RBMS3: variants seen among roughly 807,000 people sequenced by gnomAD.
RBMS3 encodes RNA-binding motif, single-stranded-interacting protein 3.
A neutral mutation model predicts 66.8 loss-of-function variants in RBMS3; 27 were observed. That is an observed-to-expected ratio of 0.40 (90% CI 0.30 to 0.56). The LOEUF is 0.56. Ranked by LOEUF, RBMS3 falls within the 20% of genes least tolerant of loss-of-function variation. The probability of loss-of-function intolerance (pLI) is 0.40; values close to 1 mark genes in which losing one functional copy is unlikely to be tolerated. For missense variants in RBMS3, 513 were observed against 549.5 expected (o/e 0.93, Z 0.66); for synonymous variants, 188 against 183.0 (o/e 1.03, Z -0.22).
chr3:29,775,455 G>C (rs1427400586), intron 6 of RBMS3, among the ~76,000 whole-genome samples: 2 of 151,868 alleles, frequency 1.3e-5, no homozygotes, highest in African/African-American at 4.8e-5. Flanking sequence ...CAGCGTGTGT[G>C]GCATGCTGCA....
At chr3:29,400,590 A>G (rs2039762922) in intron 1 of RBMS3, among the ~76,000 whole-genome samples, 1 of 151,934 alleles carries the variant, frequency 6.6e-6, no homozygotes, top group South Asian at 2.1e-4. Context: ...TTATTCTACC[A>G]CAATAAAAAA....
intron 3 of RBMS3, among the ~76,000 whole-genome samples, chr3:29,535,710 CTTTTTTTTTTTT>C (rs149022808): frequency 2.2e-3 from 86 of 39,748 alleles, no homozygotes; most frequent in African/African-American, 7.4e-3. Flanking sequence ...GATCATTGCT[CTTTTTTTTTTTT>C]TTTTTTTTTT....
rs749418675 is a variant in RBMS3, at chr3:29,434,854, C to A, written c.187C>A (p.Leu63Met). ...CGGGGAACAGTTGAGTAAAACCAAC[C>A]TGTACATTCGAGGCCTCCCACCAGG... Reference protein sequence around the residue: ...SSGEQLSKTNLYIRGLPPGTT... With the variant: ...SSGEQLSKTNMYIRGLPPGTT... The change falls in exon 2 of 15, where the codon CTG becomes ATG. Residue 63 changes from leucine (L) to methionine (M), a missense_variant. Leu to Met is a conservative substitution (Grantham distance 15). Coordinates refer to ENST00000383767, the MANE Select transcript of RBMS3 (RefSeq NM_001003793.3). The A allele has an allele frequency of 6.2e-7, 1 of 1,614,154 alleles. No homozygotes were observed.
chr3:29,420,359 T>C (rs946272120), intron 1 of RBMS3, among the ~76,000 whole-genome samples: 2 of 152,212 alleles, frequency 1.3e-5, no homozygotes, highest in African/African-American at 4.8e-5. Context: ...TTCATTCTTG[T>C]AATTCCATTC....
chr3:29,922,210 G>A (rs1263206192), intron 10 of RBMS3, among the ~76,000 whole-genome samples: 1 of 152,252 alleles, frequency 6.6e-6, no homozygotes, highest in African/African-American at 2.4e-5. Context: ...AACAGAGGCC[G>A]GGCACGGTGG....
chr3:29,343,973 G>C (rs1559503182), intron 1 of RBMS3, among the ~76,000 whole-genome samples: 1 of 152,186 alleles, frequency 6.6e-6, no homozygotes, highest in Non-Finnish European at 1.5e-5. Context: ...ATACAGAAAT[G>C]GGGAGTGAGT....
intron 4 of RBMS3, among the ~76,000 whole-genome samples, chr3:29,654,464 C>T (rs1292344724): frequency 6.7e-6 from 1 of 149,684 alleles, no homozygotes; most frequent in Non-Finnish European, 1.5e-5. Context: ...AAATATGGAA[C>T]TGGTGTGACT....
At chr3:29,701,543 A>G (rs1479711534) in intron 4 of RBMS3, among the ~76,000 whole-genome samples, 3 of 151,876 alleles carry the variant, frequency 2.0e-5, no homozygotes, top group Non-Finnish European at 2.9e-5. Flanking sequence ...CAGAGGTCGG[A>G]GCCAGCTCCC....
chr3:29,852,493 G>A lies in RBMS3; in HGVS notation c.638-16365G>A, dbSNP rs116797825. Among the ~76,000 whole-genome samples, 1,304 of 152,190 alleles carry A rather than the reference G, an allele frequency of 8.6e-3. 15 individuals carry two copies. Among genetic ancestry groups the A allele is most frequent in the African/African-American group, 0.03 (1,252 of 41,520 alleles). ...CTAAAACAACCCCATTAACAAGTGG[G>A]CAAAGGACATGAATAGATCCTTTTC... On this transcript the variant is annotated intron_variant, in intron 6 of 14. Transcript: ENST00000383767.
intron 6 of RBMS3, among the ~76,000 whole-genome samples, chr3:29,811,990 G>A (rs1021768679): frequency 6.6e-6 from 1 of 152,080 alleles, no homozygotes; most frequent in Non-Finnish European, 1.5e-5. Context: ...GTCAATCCCT[G>A]TGGAATTGAA....
chr3:29,667,864 T>G (rs758114515), intron 4 of RBMS3, among the ~76,000 whole-genome samples: 1 of 152,184 alleles, frequency 6.6e-6, no homozygotes, highest in African/African-American at 2.4e-5. Context: ...ATCATATTCA[T>G]GTACAATTGT....
At chr3:29,861,025 G>A (rs571860723) in intron 6 of RBMS3, among the ~76,000 whole-genome samples, 10 of 151,966 alleles carry the variant, frequency 6.6e-5, no homozygotes, top group African/African-American at 2.2e-4. Context: ...CACCACGCCC[G>A]GCTAATTTTT....
intron 4 of RBMS3, among the ~76,000 whole-genome samples, chr3:29,634,095 A>G (rs1486141691): frequency 6.6e-6 from 1 of 151,912 alleles, no homozygotes; most frequent in Non-Finnish European, 1.5e-5. Flanking sequence ...TATTTTGTTG[A>G]TCACCAACAG....
intron 6 of RBMS3, among the ~76,000 whole-genome samples, chr3:29,862,412 C>T (rs199671126): frequency 5.3e-5 from 8 of 152,242 alleles, no homozygotes; most frequent in Middle Eastern, 3.4e-3. Flanking sequence ...TACATACACA[C>T]GGCAAACTTC....
intron 10 of RBMS3, among the ~76,000 whole-genome samples, chr3:29,920,853 C>CAA (rs10576471): frequency 0.027 from 2,604 of 97,916 alleles, 123 homozygotes; most frequent in African/African-American, 0.09. Flanking sequence ...CACGTGGTCT[C>CAA]AAAAAAAAAA....
chr3:29,731,221 G>T (rs2054118816), intron 4 of RBMS3, among the ~76,000 whole-genome samples: 1 of 152,194 alleles, frequency 6.6e-6, no homozygotes, highest in Non-Finnish European at 1.5e-5. Context: ...AATTGAACTT[G>T]AGGACATGAA....
At chr3:29,984,078 C>T (rs977245244) in intron 12 of RBMS3, among the ~76,000 whole-genome samples, 1 of 152,076 alleles carries the variant, frequency 6.6e-6, no homozygotes, top group African/African-American at 2.4e-5. Flanking sequence ...TTTTCACATA[C>T]TCCCATATTT....
chr3:29,547,382 GT>G, intron 3 of RBMS3, among the ~76,000 whole-genome samples: 1 of 152,144 alleles, frequency 6.6e-6, no homozygotes, highest in African/African-American at 2.4e-5. Context: ...ATTGTAGGTA[GT>G]AACTTGCTTC....
rs77175867 is a variant in RBMS3 at position 29,871,572 on chromosome 3, A to G, written c.744+2608A>G. ...TTTTTGCTTGTTTGTTTGTTTTGAT[A>G]TATGAAACAATGGTACACCTTTGAA... is the stretch of plus-strand genomic sequence containing the variant. On this transcript the variant is annotated intron_variant, in intron 7 of 14. Transcript: ENST00000383767. 4.2e-3 allele frequency among the ~76,000 whole-genome samples: 644 copies of G among 152,198 alleles called. 4 individuals carry two copies. The highest frequency in any genetic ancestry group is 0.02 in the Middle Eastern group (6 of 294).
Sources: gnomAD v4.1 joint callset for allele counts (sites outside exome capture counted in the v4.1 genomes callset) on GRCh38, gnomAD v4.1.1 for gene constraint, MANE v1.5 for transcripts, NCBI Gene and HGNC (gene_info 2026-07-23, HGNC 2026-07-21) for gene names.